Variants in MAPK10 observed in about 807,000 individuals in gnomAD.
The protein encoded by MAPK10 is JNK3 alpha protein kinase.
In MAPK10, 25 loss-of-function variants were observed where a neutral mutation model predicts 59.3. The observed-to-expected ratio is 0.42, with a 90% CI of 0.31 to 0.59. The LOEUF is 0.59. Among genes scored for constraint, MAPK10 ranks in the 20% least tolerant of loss-of-function variants. The probability of loss-of-function intolerance (pLI) is 0.15; values close to 1 mark genes in which losing one functional copy is unlikely to be tolerated. For missense variants in MAPK10, 351 were observed against 568.9 expected, an observed-to-expected ratio of 0.62 and a Z score of 3.90; for synonymous variants, 190 against 200.5, an observed-to-expected ratio of 0.95 and a Z score of 0.44.
intron 1 of MAPK10, among the ~76,000 whole-genome samples, chr4:86,587,560 C>T (rs1762732059): frequency 6.6e-6 from 1 of 152,212 alleles, no homozygotes; most frequent in African/African-American, 2.4e-5. Flanking sequence ...TTCTGCTTCT[C>T]ACCTGGGCAA....
At chr4:86,247,452 A>G (rs1436240557) in intron 2 of MAPK10, among the ~76,000 whole-genome samples, 1 of 152,198 alleles carries the variant, frequency 6.6e-6, no homozygotes, top group Non-Finnish European at 1.5e-5. Flanking sequence ...TTTCCTCTCC[A>G]GGAGATTCAT....
At chr4:86,224,996 T>C (rs1464646361) in intron 2 of MAPK10, among the ~76,000 whole-genome samples, 1 of 152,194 alleles carries the variant, frequency 6.6e-6, no homozygotes, top group Non-Finnish European at 1.5e-5. Context: ...AAGTTAACTG[T>C]TCTCAATTAG....
intron 1 of MAPK10, among the ~76,000 whole-genome samples, chr4:86,417,762 C>A (rs1746032907): frequency 1.3e-5 from 2 of 152,206 alleles, no homozygotes; most frequent in Non-Finnish European, 2.9e-5. Flanking sequence ...AAGGCAGTTC[C>A]TGCTGCCCCA....
chr4:86,056,867 A>G (rs1289030954), intron 11 of MAPK10, among the ~76,000 whole-genome samples: 1 of 149,614 alleles, frequency 6.7e-6, no homozygotes, highest in Non-Finnish European at 1.5e-5. Context: ...CAACTTTAGG[A>G]TTCTTTGGTT....
At chr4:86,536,108 GAGAC>G (rs1758225749) in intron 1 of MAPK10, among the ~76,000 whole-genome samples, 1 of 152,154 alleles carries the variant, frequency 6.6e-6, no homozygotes, top group Non-Finnish European at 1.5e-5. Flanking sequence ...GAAAAATGGG[GAGAC>G]AGTCTGGCTC....
At chr4:86,251,005 G>A (rs936961724) in intron 2 of MAPK10, among the ~76,000 whole-genome samples, 7 of 151,834 alleles carry the variant, frequency 4.6e-5, no homozygotes, top group Non-Finnish European at 1.0e-4. Flanking sequence ...TAAAACTTCA[G>A]GGAGCAACTC....
intron 2 of MAPK10, among the ~76,000 whole-genome samples, chr4:86,333,277 C>G (rs1000074082): frequency 1.3e-5 from 2 of 152,142 alleles, no homozygotes; most frequent in African/African-American, 2.4e-5. Context: ...TGATAGGCAT[C>G]AAACCAATTT....
At chr4:86,522,996 T>C (rs1411873924) in intron 1 of MAPK10, among the ~76,000 whole-genome samples, 1 of 152,180 alleles carries the variant, frequency 6.6e-6, no homozygotes, top group African/African-American at 2.4e-5. Context: ...AGAAATACAT[T>C]TTTTTGGACT....
chr4:86,274,439 T>C (rs1028405221), intron 2 of MAPK10, among the ~76,000 whole-genome samples: 2 of 151,950 alleles, frequency 1.3e-5, no homozygotes, highest in African/African-American at 4.8e-5. Flanking sequence ...AGAGATCTAA[T>C]GTATAATCTT....
At chr4:86,294,340 A>G (rs1420559123) in intron 2 of MAPK10, among the ~76,000 whole-genome samples, 1 of 152,162 alleles carries the variant, frequency 6.6e-6, no homozygotes, top group Non-Finnish European at 1.5e-5. Flanking sequence ...ACCCAACTTG[A>G]AACTCATGGG....
chr4:86,415,270 C>G (rs1745720917), intron 1 of MAPK10, among the ~76,000 whole-genome samples: 1 of 151,998 alleles, frequency 6.6e-6, no homozygotes, highest in Non-Finnish European at 1.5e-5. Flanking sequence ...TTGCTAGCAA[C>G]AGCCCATTCC....
intron 1 of MAPK10, among the ~76,000 whole-genome samples, chr4:86,405,986 C>T (rs1744314005): frequency 6.6e-6 from 1 of 152,124 alleles, no homozygotes; most frequent in Non-Finnish European, 1.5e-5. Context: ...AACCTGCAAC[C>T]ACCTGAGCAC....
At chr4:86,191,117 T>C (rs1006237335) in intron 3 of MAPK10, among the ~76,000 whole-genome samples, 1 of 152,252 alleles carries the variant, frequency 6.6e-6, no homozygotes, top group African/African-American at 2.4e-5. Flanking sequence ...AGACTGTTTG[T>C]TATGATTTCC....
intron 1 of MAPK10, among the ~76,000 whole-genome samples, chr4:86,425,308 A>G (rs1268445384): frequency 6.6e-6 from 1 of 152,248 alleles, no homozygotes; most frequent in Non-Finnish European, 1.5e-5. Flanking sequence ...TTCTAATCAT[A>G]AAATGTATCT....
intron 1 of MAPK10, among the ~76,000 whole-genome samples, chr4:86,528,865 A>AAACACTTCGATTTTATATTCAATCAT: frequency 6.6e-6 from 1 of 152,222 alleles, no homozygotes; most frequent in African/African-American, 2.4e-5. Flanking sequence ...CTATTCATTT[A>AAACACTTCGATTTTATATTCAATCAT]AACACTTCGA....
chr4:86,159,390 G>T lies in MAPK10; in HGVS notation c.144C>A (p.Phe48Leu), dbSNP rs766751175. 6.2e-7 allele frequency: 1 copy of T among 1,612,872 alleles called. No homozygotes were observed. Among genetic ancestry groups the T allele is most frequent in the South Asian group, 1.1e-5 (1 of 91,036 alleles). The change falls in exon 4 of 14, where the codon TTC becomes TTA. Residue 48 changes from phenylalanine (F) to leucine (L), a missense_variant. Phe to Leu is a conservative substitution (Grantham distance 22). This residue lies in a region of MAPK10 where 61 missense variants were observed against 58.4 expected (regional missense o/e 1.05). Coordinates refer to ENST00000641462, the MANE Select transcript of MAPK10 (RefSeq NM_138982.4). ...NMSKSKVDNQ[F>L]YSVEVGDSTF... is the part of the protein sequence containing the mutation. ...TTGAGTCTCCCACTTCCACACTGTAGAACTGGTTGTCAACTTTGCTTTTGC... is the reference window on the plus strand; with the variant it reads ...TTGAGTCTCCCACTTCCACACTGTATAACTGGTTGTCAACTTTGCTTTTGC...
chr4:86,059,711 T>C lies in MAPK10; in HGVS notation c.1110+4555A>G, dbSNP rs2045350262. On this transcript the variant is annotated intron_variant, in intron 11 of 13. Coordinates refer to ENST00000641462, the MANE Select transcript of MAPK10 (RefSeq NM_138982.4). ...TCACCTTCCAGCCAAATTGGTTGAATTAGTTACACCTTTTCTCTTAGTCTA... is the reference window on the plus strand; with the variant it reads ...TCACCTTCCAGCCAAATTGGTTGAACTAGTTACACCTTTTCTCTTAGTCTA... Among the ~76,000 whole-genome samples the C allele has an allele frequency of 2.0e-5, 3 of 152,274 alleles. No individual in the cohort carries two copies. The South Asian group carries it at 6.2e-4, about 32-fold the overall frequency.
At chr4:86,087,805 T>C (rs2052224354) in intron 9 of MAPK10, among the ~76,000 whole-genome samples, 1 of 152,126 alleles carries the variant, frequency 6.6e-6, no homozygotes, top group African/African-American at 2.4e-5. Flanking sequence ...TATATTCATA[T>C]ATGTAAAACC....
At chr4:86,284,692 A>AT (rs1401983606) in intron 2 of MAPK10, among the ~76,000 whole-genome samples, 1 of 152,218 alleles carries the variant, frequency 6.6e-6, no homozygotes, top group Non-Finnish European at 1.5e-5. Context: ...GATGCTAATG[A>AT]TTGTTATCAG....
Sources: allele counts gnomAD v4.1 joint callset (sites outside exome capture counted in the v4.1 genomes callset), GRCh38; gene constraint gnomAD v4.1.1; regional missense constraint gnomAD v4.1.1; transcripts MANE v1.5; gene names NCBI Gene and HGNC (gene_info 2026-07-23, HGNC 2026-07-21).